SHANK2: variants seen among roughly 807,000 people sequenced by gnomAD.
The protein encoded by SHANK2 is SH3 and multiple ankyrin repeat domains 2, also known as SH3 and multiple ankyrin repeat domains protein 2.
SHANK2 carries 43 observed loss-of-function variants against 133.7 expected under a neutral mutation model. That is an observed-to-expected ratio of 0.32 (90% CI 0.25 to 0.41). The LOEUF (loss-of-function observed/expected upper bound fraction) is 0.41, where lower values mean the gene tolerates loss of function less well. SHANK2 is among the 10% of genes least tolerant of loss of function. The probability of loss-of-function intolerance (pLI) is 1.00; values close to 1 mark genes in which losing one functional copy is unlikely to be tolerated. For synonymous variants in SHANK2, 1,017 were observed against 952.8 expected, an observed-to-expected ratio of 1.07 and a Z score of -1.24; for missense variants, 1,994 against 2,235.8, an observed-to-expected ratio of 0.89 and a Z score of 2.18.
At chr11:71,191,260 T>G (rs543453753) in intron 2 of SHANK2, among the ~76,000 whole-genome samples, 4 of 152,186 alleles carry the variant, frequency 2.6e-5, no homozygotes, top group Non-Finnish European at 5.9e-5. Flanking sequence ...AATTTAATAC[T>G]GATAAACTGT....
In SHANK2 at chr11:70,473,487, C is replaced by T; in HGVS notation, c.4980-48G>A. Reference sequence around the variant, plus strand: ...ACCATCACAAGGCAGGTCACCGAGTCAGGGCAGCTGGCTGCAGATCACCCA... The same window carrying T: ...ACCATCACAAGGCAGGTCACCGAGTTAGGGCAGCTGGCTGCAGATCACCCA... On this transcript the variant is annotated intron_variant, in intron 25 of 25. Transcript: ENST00000601538. The surrounding 1 kb of genome is among the most constrained non-coding windows in gnomAD (Gnocchi z 5.9). 1 of 1,586,418 alleles carries T rather than the reference C, an allele frequency of 6.3e-7. No individual in the cohort carries two copies. Among genetic ancestry groups the T allele is most frequent in the Non-Finnish European group, 8.6e-7 (1 of 1,169,080 alleles).
intron 11 of SHANK2, among the ~76,000 whole-genome samples, chr11:70,852,394 G>A (rs1280762297): frequency 6.6e-6 from 1 of 152,246 alleles, no homozygotes; most frequent in Non-Finnish European, 1.5e-5. Flanking sequence ...CACGGGGCCT[G>A]CAAAGGGTGT....
chr11:71,091,368 A>AC (rs1951517262), intron 8 of SHANK2, among the ~76,000 whole-genome samples: 1 of 152,094 alleles, frequency 6.6e-6, no homozygotes, highest in Non-Finnish European at 1.5e-5. Context: ...GCCTGCTGGC[A>AC]CCCCCACTGC....
intron 6 of SHANK2, among the ~76,000 whole-genome samples, chr11:71,106,891 G>T (rs536976678): frequency 6.6e-6 from 1 of 152,156 alleles, no homozygotes; most frequent in Non-Finnish European, 1.5e-5. Flanking sequence ...TCGGAAGGCC[G>T]AGGCCGGTGA....
intron 8 of SHANK2, among the ~76,000 whole-genome samples, chr11:71,078,993 G>A (rs1408823026): frequency 4.6e-5 from 7 of 152,192 alleles, no homozygotes; most frequent in African/African-American, 1.7e-4. Flanking sequence ...GCCCTCCTGG[G>A]CTAAGCCCCC....
intron 2 of SHANK2, among the ~76,000 whole-genome samples, chr11:71,157,553 G>A (rs1555109269): frequency 2.6e-5 from 4 of 152,160 alleles, no homozygotes. Flanking sequence ...GCCTCCAACA[G>A]TCTCTCAGCT....
At chr11:70,682,161 G>A (rs1191705537) in intron 15 of SHANK2, among the ~76,000 whole-genome samples, 2 of 152,170 alleles carry the variant, frequency 1.3e-5, no homozygotes, top group Admixed American at 6.5e-5. Flanking sequence ...GCACCACAAG[G>A]CCGGGCCAGG....
At chr11:70,690,914 G>T (rs184332274) in intron 15 of SHANK2, among the ~76,000 whole-genome samples, 22 of 152,108 alleles carry the variant, frequency 1.4e-4, no homozygotes, top group Non-Finnish European at 2.4e-4. Flanking sequence ...AGAAATACGG[G>T]AGTAATCATC....
At chr11:71,159,971 G>GAAA (rs34199845) in intron 2 of SHANK2, among the ~76,000 whole-genome samples, 47 of 114,098 alleles carry the variant, frequency 4.1e-4, no homozygotes, top group African/African-American at 1.4e-3. Flanking sequence ...TGGGTGGCAG[G>GAAA]AAAAAAAAAA....
intron 8 of SHANK2, among the ~76,000 whole-genome samples, chr11:71,076,988 G>A (rs1314887288): frequency 1.3e-5 from 2 of 152,306 alleles, no homozygotes; most frequent in South Asian, 2.1e-4. Context: ...GGCAGGGAGA[G>A]GAAGAAAGGA....
intron 17 of SHANK2, among the ~76,000 whole-genome samples, chr11:70,577,215 CAG>C (rs1296682199): frequency 3.9e-5 from 6 of 152,194 alleles, no homozygotes; most frequent in Admixed American, 3.3e-4. Context: ...AAGAGTGACT[CAG>C]AGCTGCATTT....
intron 17 of SHANK2, among the ~76,000 whole-genome samples, chr11:70,607,515 C>G (rs111704560): frequency 6.6e-6 from 1 of 152,234 alleles, no homozygotes; most frequent in East Asian, 1.9e-4. Context: ...AGCACCTGCA[C>G]GCACACACTG....
At position 70,944,101 on chromosome 11, in the gene SHANK2, T is replaced by C. The variant is rs1274902109; in HGVS notation, c.1108-47534A>G. The C allele has an allele frequency of 7.8e-6, 3 of 383,402 alleles. No homozygotes were observed. In the Admixed American group the frequency reaches 9.8e-5, roughly 12 times the overall value. The allele number at this position is 383,402 out of a possible 1,614,324, so 23.8% of individuals were successfully genotyped here. ...GGTAGGCAGTCGACTGCAATTCTATTTCCCTCGAGTATATAACAGCTACGT... is the reference window on the plus strand; with the variant it reads ...GGTAGGCAGTCGACTGCAATTCTATCTCCCTCGAGTATATAACAGCTACGT... On this transcript the variant is annotated intron_variant, in intron 10 of 25. Transcript: ENST00000601538.
intron 14 of SHANK2, among the ~76,000 whole-genome samples, chr11:70,768,739 C>A (rs1555041973): frequency 6.6e-6 from 1 of 152,128 alleles, no homozygotes; most frequent in African/African-American, 2.4e-5. Flanking sequence ...CCATGGGGAG[C>A]CTGGAGATGG....
intron 11 of SHANK2, among the ~76,000 whole-genome samples, chr11:70,846,608 G>A (rs1555063504): frequency 6.6e-6 from 1 of 152,136 alleles, no homozygotes; most frequent in African/African-American, 2.4e-5. Context: ...GTCAACTGCT[G>A]GTGTCCCAAG....
chr11:71,184,581 C>T (rs781967274), intron 2 of SHANK2, among the ~76,000 whole-genome samples: 7 of 152,140 alleles, frequency 4.6e-5, no homozygotes, highest in Admixed American at 6.5e-5. Flanking sequence ...TGCCACTTAG[C>T]GGGCAGGACT....
chr11:70,486,129 T>A lies in SHANK2; in HGVS notation c.4164A>T (p.Pro1388=). 3 of 1,613,930 alleles carry A rather than the reference T, an allele frequency of 1.9e-6. No individual in the cohort carries two copies. Among genetic ancestry groups the A allele is most frequent in the Non-Finnish European group, 2.5e-6 (3 of 1,179,974 alleles). The change falls in exon 25 of 26, where the codon CCA becomes CCT. Residue 1388 remains proline (P), a synonymous_variant. Coordinates refer to ENST00000601538, the MANE Select transcript of SHANK2 (RefSeq NM_012309.5). This position sits in a 1 kb window ranked among gnomAD's most constrained non-coding sequence, Gnocchi z 8.0. ...VGSMEEAVIL[P]FRIPPPPLAS... The stretch of plus-strand genomic sequence containing the variant: ...CCAGAGGGGGAGGAGGGATGCGGAA[T>A]GGCAAAATCACCGCCTCTTCCATGG...
At chr11:70,914,954 T>C (rs1555079642) in intron 10 of SHANK2, among the ~76,000 whole-genome samples, 2 of 150,814 alleles carry the variant, frequency 1.3e-5, no homozygotes, top group Non-Finnish European at 3.0e-5. Context: ...GTTGTTAAAG[T>C]ATTTAACTGG....
chr11:71,211,303 C>G (rs1165082095), intron 2 of SHANK2, among the ~76,000 whole-genome samples: 1 of 149,604 alleles, frequency 6.7e-6, no homozygotes, highest in Non-Finnish European at 1.5e-5. Context: ...TTTTGGGAGG[C>G]CGAGGAGGTC....
Sources: gnomAD v4.1 joint callset for allele counts (sites outside exome capture counted in the v4.1 genomes callset) on GRCh38, gnomAD v4.1.1 for gene constraint, Gnocchi (gnomAD v3.1) non-coding constraint, MANE v1.5 for transcripts, NCBI Gene and HGNC (gene_info 2026-07-23, HGNC 2026-07-21) for gene names.